The following CTNNA3 variants were observed in gnomAD, a reference collection of about 807,000 sequenced individuals.
CTNNA3 encodes catenin alpha-3.
In CTNNA3, 76 loss-of-function variants were observed where a neutral mutation model predicts 95.7. That is an observed-to-expected ratio of 0.79 (90% CI 0.66 to 0.96). The LOEUF is 0.96. Ranked by LOEUF, CTNNA3 falls within the 40% of genes least tolerant of loss-of-function variation. The pLI is 0.00. For missense variants in CTNNA3, 1,191 were observed against 1,089.8 expected (o/e 1.09, Z -1.31); for synonymous variants, 431 against 374.4 (o/e 1.15, Z -1.74).
intron 11 of CTNNA3, among the ~76,000 whole-genome samples, chr10:66,515,265 A>ACATCTATC (rs1840800580): frequency 6.9e-6 from 1 of 145,914 alleles, no homozygotes; most frequent in Non-Finnish European, 1.5e-5. Context: ...CTTATTCCCT[A>ACATCTATC]TATCTATCTA....
intron 6 of CTNNA3, among the ~76,000 whole-genome samples, chr10:67,192,181 CT>C (rs1863148899): frequency 6.6e-6 from 1 of 151,856 alleles, no homozygotes; most frequent in South Asian, 2.1e-4. Flanking sequence ...TCAACAATGT[CT>C]TTTTAGATGA....
intron 13 of CTNNA3, among the ~76,000 whole-genome samples, chr10:66,206,452 A>G (rs1381524214): frequency 6.6e-6 from 1 of 151,808 alleles, no homozygotes; most frequent in Non-Finnish European, 1.5e-5. Context: ...TCCAGTGATA[A>G]TATCACCCAT....
chr10:67,313,645 G>A (rs904787959), intron 5 of CTNNA3, among the ~76,000 whole-genome samples: 2 of 152,082 alleles, frequency 1.3e-5, no homozygotes, highest in Non-Finnish European at 1.5e-5. Flanking sequence ...TTAGTGGAGC[G>A]TATGAGACCT....
chr10:66,282,042 A>G (rs981759614), intron 12 of CTNNA3, among the ~76,000 whole-genome samples: 2 of 151,918 alleles, frequency 1.3e-5, no homozygotes, highest in African/African-American at 4.8e-5. Flanking sequence ...TCAACTGCTT[A>G]ACACATACAT....
chr10:67,104,188 T>C (rs755445692), intron 7 of CTNNA3, among the ~76,000 whole-genome samples: 2 of 151,784 alleles, frequency 1.3e-5, no homozygotes, highest in Non-Finnish European at 2.9e-5. Context: ...GTCAATAAAG[T>C]CACCAAGTAC....
chr10:67,511,207 G>C (rs1012704559), intron 5 of CTNNA3, among the ~76,000 whole-genome samples: 2 of 152,104 alleles, frequency 1.3e-5, no homozygotes, highest in African/African-American at 4.8e-5. Flanking sequence ...TGATTGCCCT[G>C]GCCAGAACTT....
At chr10:66,840,366 TCTCTCTCACACACA>T (rs1467331619) in intron 7 of CTNNA3, among the ~76,000 whole-genome samples, 114 of 83,188 alleles carry the variant, frequency 1.4e-3, no homozygotes, top group South Asian at 5.8e-3. Flanking sequence ...TCTCTCTCTC[TCTCTCTCACACACA>T]CACACACACA....
intron 1 of CTNNA3, among the ~76,000 whole-genome samples, chr10:67,744,425 G>A (rs1168311260): frequency 1.3e-5 from 2 of 151,186 alleles, no homozygotes; most frequent in African/African-American, 4.8e-5. Flanking sequence ...TTTAATAAAT[G>A]GTGCTGGGAA....
chr10:67,659,037 T>C (rs936979796), intron 1 of CTNNA3, among the ~76,000 whole-genome samples: 22 of 152,094 alleles, frequency 1.4e-4, no homozygotes, highest in African/African-American at 5.3e-4. Context: ...AAAATGTGTT[T>C]ACTCTAGCCA....
intron 11 of CTNNA3, among the ~76,000 whole-genome samples, chr10:66,400,870 A>G (rs1171061025): frequency 2.0e-5 from 3 of 152,130 alleles, no homozygotes; most frequent in Admixed American, 2.0e-4. Flanking sequence ...CCTTACTAGT[A>G]TAATTGGGTG....
intron 5 of CTNNA3, among the ~76,000 whole-genome samples, chr10:67,383,835 T>A (rs1316457322): frequency 1.3e-5 from 2 of 152,242 alleles, no homozygotes; most frequent in Non-Finnish European, 2.9e-5. Context: ...TTTACTAGAA[T>A]CTTTGATGTA....
intron 13 of CTNNA3, among the ~76,000 whole-genome samples, chr10:66,196,395 T>A (rs1304302689): frequency 1.3e-5 from 2 of 152,190 alleles, no homozygotes; most frequent in Non-Finnish European, 2.9e-5. Context: ...AGTCAAGGTT[T>A]ATCTGGCCAC....
At chr10:67,727,045 A>G (rs1273878212) in intron 1 of CTNNA3, among the ~76,000 whole-genome samples, 1 of 113,824 alleles carries the variant, frequency 8.8e-6, no homozygotes, top group African/African-American at 3.7e-5. Context: ...TATATGATAC[A>G]TATATGATAT....
intron 5 of CTNNA3, among the ~76,000 whole-genome samples, chr10:67,256,737 A>G (rs1275649807): frequency 6.6e-6 from 1 of 152,138 alleles, no homozygotes; most frequent in Non-Finnish European, 1.5e-5. Context: ...ACAACATAAA[A>G]TATTCACCCT....
At chr10:67,022,343 G>A (rs1853073061) in intron 7 of CTNNA3, among the ~76,000 whole-genome samples, 1 of 152,130 alleles carries the variant, frequency 6.6e-6, no homozygotes, top group Non-Finnish European at 1.5e-5. Context: ...CTGTGTGTGT[G>A]TGTGTCTGTG....
At chr10:66,364,163 T>TTA (rs902869978) in intron 12 of CTNNA3, among the ~76,000 whole-genome samples, 58 of 150,516 alleles carry the variant, frequency 3.9e-4, no homozygotes, top group African/African-American at 1.2e-3. Context: ...ATTGTTCTTG[T>TTA]TATATATATA....
chr10:67,726,589 A>ATTATATTACATATTATATAATAT lies in CTNNA3; in HGVS notation c.-2+36844_-2+36845insATATTATATAATATGTAATATAA, dbSNP rs1564841320. Among the ~76,000 whole-genome samples, 53 of 67,026 alleles carry ATTATATTACATATTATATAATAT rather than the reference A, an allele frequency of 7.9e-4. 1 individual carries two copies. Among genetic ancestry groups the ATTATATTACATATTATATAATAT allele is most frequent in the African/African-American group, 4.1e-3 (51 of 12,578 alleles). 44.0% of individuals were successfully genotyped at this position (67,026 alleles called of 152,430 possible). On this transcript the variant is annotated intron_variant, in intron 1 of 17. Transcript: ENST00000684154. ...ATATATTACATATTATATAATATGT[A>ATTATATTACATATTATATAATAT]ATATTATATTACATATTATATAATA... is the stretch of plus-strand genomic sequence containing the variant.
At chr10:67,128,369 T>C (rs1344983184) in intron 7 of CTNNA3, among the ~76,000 whole-genome samples, 1 of 152,150 alleles carries the variant, frequency 6.6e-6, no homozygotes, top group Non-Finnish European at 1.5e-5. Flanking sequence ...CTATTTCTAC[T>C]TTTAAAAGTA....
intron 9 of CTNNA3, among the ~76,000 whole-genome samples, chr10:66,626,096 C>T (rs549394389): frequency 6.6e-6 from 1 of 152,214 alleles, no homozygotes; most frequent in East Asian, 1.9e-4. Context: ...AATTGAATAT[C>T]AGAGCATGGT....
Sources: allele counts gnomAD v4.1 joint callset (sites outside exome capture counted in the v4.1 genomes callset), GRCh38; gene constraint gnomAD v4.1.1; transcripts MANE v1.5; gene names NCBI Gene and HGNC (gene_info 2026-07-23, HGNC 2026-07-21).